The following CDYL variants were observed in gnomAD, a reference collection of about 807,000 sequenced individuals.
CDYL encodes the protein chromodomain Y-like protein.
Under a neutral mutation model 47.3 loss-of-function variants are expected in CDYL, and 8 were observed. The ratio of observed to expected loss-of-function variants is 0.17; its 90% confidence interval spans 0.10 to 0.31. The LOEUF (loss-of-function observed/expected upper bound fraction) is 0.31, where lower values mean the gene tolerates loss of function less well. Among genes scored for constraint, CDYL ranks in the 10% least tolerant of loss-of-function variants. The pLI is 1.00. For synonymous variants in CDYL, 266 were observed against 265.0 expected (o/e 1.00, Z -0.04); for missense variants, 471 against 701.4 (o/e 0.67, Z 3.71).
upstream of CDYL, among the ~76,000 whole-genome samples, chr6:4,771,463 T>C (rs9504248): frequency 0.22 from 33,509 of 152,058 alleles, 5,449 homozygotes; most frequent in African/African-American, 0.46. Context: ...TGCTGCTAGT[T>C]TGGGGAACCA....
intron 1 of CDYL, among the ~76,000 whole-genome samples, chr6:4,844,128 G>A (rs1036434729): frequency 2.0e-5 from 3 of 152,090 alleles, no homozygotes; most frequent in Non-Finnish European, 4.4e-5. Context: ...CAGAGATACC[G>A]GGCTCTGGGC....
At chr6:4,749,497 T>G (rs1014166164) in intron 3 of CDYL, among the ~76,000 whole-genome samples, 1 of 152,048 alleles carries the variant, frequency 6.6e-6, no homozygotes, top group Non-Finnish European at 1.5e-5. Flanking sequence ...GATGAATGAA[T>G]GGAAGGATAG....
intron 1 of CDYL, among the ~76,000 whole-genome samples, chr6:4,838,813 A>G (rs1443555276): frequency 2.6e-5 from 4 of 151,566 alleles, no homozygotes; most frequent in African/African-American, 9.7e-5. Context: ...CAGCCTCGTG[A>G]GTTTCTGGGA....
intron 1 of CDYL, among the ~76,000 whole-genome samples, chr6:4,785,945 C>T (rs1423606914): frequency 6.6e-6 from 1 of 152,186 alleles, no homozygotes; most frequent in Non-Finnish European, 1.5e-5. Flanking sequence ...TCCTGCGCCC[C>T]TTAGAGCAAG....
intron 2 of CDYL, among the ~76,000 whole-genome samples, chr6:4,933,680 C>T (rs1053702725): frequency 6.6e-6 from 1 of 152,150 alleles, no homozygotes. Context: ...AAAAGTCTTT[C>T]CTGAGTCCCT....
intron 1 of CDYL, among the ~76,000 whole-genome samples, chr6:4,795,753 G>T: frequency 6.8e-6 from 1 of 147,400 alleles, no homozygotes; most frequent in South Asian, 2.2e-4. Context: ...TCTTTCTGTT[G>T]CATCCTTGTC....
intron 2 of CDYL, among the ~76,000 whole-genome samples, chr6:4,916,788 C>A (rs1217058437): frequency 6.6e-6 from 1 of 152,214 alleles, no homozygotes; most frequent in Non-Finnish European, 1.5e-5. Context: ...TTTCCATTTT[C>A]TTATGATGCT....
At chr6:4,772,957 C>A, upstream of CDYL, 1 of 365,134 alleles carries the variant, frequency 2.7e-6, no homozygotes, top group Non-Finnish European at 5.4e-6. Context: ...AATGCAGATT[C>A]TTGGGAGAAA....
chr6:4,730,907 A>T (rs1757594175), intron 2 of CDYL, among the ~76,000 whole-genome samples: 1 of 152,160 alleles, frequency 6.6e-6, no homozygotes, highest in Non-Finnish European at 1.5e-5. Context: ...CTTAGTTTTT[A>T]ACACCTATTT....
intron 3 of CDYL, among the ~76,000 whole-genome samples, chr6:4,751,591 A>G (rs2127420101): frequency 6.6e-6 from 1 of 152,352 alleles, no homozygotes; most frequent in East Asian, 1.9e-4. Flanking sequence ...GTTTACAAAG[A>G]AAACAGTAAG....
chr6:4,927,381 A>G (rs1275509664), intron 2 of CDYL, among the ~76,000 whole-genome samples: 3 of 145,256 alleles, frequency 2.1e-5, no homozygotes, highest in African/African-American at 7.7e-5. Flanking sequence ...ACTCAGATCA[A>G]TTTTTTATGT....
At chr6:4,793,421 G>A (rs1047640779) in intron 1 of CDYL, among the ~76,000 whole-genome samples, 1 of 152,148 alleles carries the variant, frequency 6.6e-6, no homozygotes, top group East Asian at 1.9e-4. Flanking sequence ...TTTGGGACTG[G>A]GGTTGGAGTG....
intron 2 of CDYL, among the ~76,000 whole-genome samples, chr6:4,918,173 T>C (rs1757609481): frequency 6.6e-6 from 1 of 152,242 alleles, no homozygotes. Flanking sequence ...TTCAATCCCA[T>C]GTCAAAGTAG....
chr6:4,907,527 T>C (rs577555361), intron 2 of CDYL, among the ~76,000 whole-genome samples: 1 of 152,110 alleles, frequency 6.6e-6, no homozygotes, highest in East Asian at 1.9e-4. Flanking sequence ...TCACTAATTT[T>C]TGTATTTTTT....
At chr6:4,797,989 T>G (rs1378797439) in intron 1 of CDYL, among the ~76,000 whole-genome samples, 1 of 152,154 alleles carries the variant, frequency 6.6e-6, no homozygotes, top group Non-Finnish European at 1.5e-5. Context: ...TTCCTTTTTT[T>G]GGAGACAGGA....
At chr6:4,722,444 T>C (rs544687538) in intron 2 of CDYL, among the ~76,000 whole-genome samples, 4 of 152,282 alleles carry the variant, frequency 2.6e-5, no homozygotes, top group African/African-American at 9.6e-5. Flanking sequence ...TAAATTATGA[T>C]TATAGAAATC....
intron 2 of CDYL, among the ~76,000 whole-genome samples, chr6:4,929,590 A>G (rs188266800): frequency 1.7e-4 from 26 of 151,990 alleles, no homozygotes; most frequent in Admixed American, 1.5e-3. Flanking sequence ...ATATTGTCCT[A>G]CAGGGCACTC....
intron 1 of CDYL, among the ~76,000 whole-genome samples, chr6:4,777,169 GT>G (rs202113376): frequency 0.12 from 16,740 of 138,044 alleles, 1,119 homozygotes; most frequent in African/African-American, 0.19. Flanking sequence ...GGGGTGGGGT[GT>G]GGGGGGGTTT....
At chr6:4,895,165 ATATGTG>A (rs1762191722) in intron 2 of CDYL, among the ~76,000 whole-genome samples, 1 of 25,478 alleles carries the variant, frequency 3.9e-5, no homozygotes, top group African/African-American at 4.6e-5. Flanking sequence ...ATACATGTAC[ATATGTG>A]TATGTATATA....
Sources: allele counts gnomAD v4.1 joint callset (sites outside exome capture counted in the v4.1 genomes callset), GRCh38; gene constraint gnomAD v4.1.1; transcripts MANE v1.5; gene names NCBI Gene and HGNC (gene_info 2026-07-23, HGNC 2026-07-21).